KAT7: variants seen among roughly 807,000 people sequenced by gnomAD.
KAT7 encodes histone acetyltransferase KAT7.
KAT7 carries 10 observed loss-of-function variants against 82.1 expected under a neutral mutation model. The ratio of observed to expected loss-of-function variants is 0.12; its 90% CI spans 0.08 to 0.21. KAT7 has a LOEUF of 0.21. Among genes scored for constraint, KAT7 ranks in the 10% least tolerant of loss-of-function variants. KAT7 has a pLI of 1.00. For missense variants in KAT7, 378 were observed against 760.9 expected, an observed-to-expected ratio of 0.50 and a Z score of 5.92; for synonymous variants, 250 against 262.5, an observed-to-expected ratio of 0.95 and a Z score of 0.46.
At chr17:49,826,640 A>G (rs760966531) in intron 13 of KAT7, 53 bp from the exon 14 acceptor site, 17 of 1,218,658 alleles carry the variant, frequency 1.4e-5, no homozygotes, top group Admixed American at 5.1e-5. Context: ...GTTGGGGGCA[A>G]AGGGGTGGGA....
chr17:49,812,848 G>A (rs1235760445), intron 7 of KAT7, among the ~76,000 whole-genome samples: 2 of 151,462 alleles, frequency 1.3e-5, no homozygotes, highest in African/African-American at 4.8e-5. Context: ...GATTACAGGC[G>A]CCCACCACCA....
At chr17:49,803,905 T>A (rs1018349737) in intron 4 of KAT7, among the ~76,000 whole-genome samples, 6 of 152,110 alleles carry the variant, frequency 3.9e-5, no homozygotes, top group Non-Finnish European at 8.8e-5. Flanking sequence ...TTTTTTTTTT[T>A]TATGAAAGAT....
rs2074254902 is a variant in KAT7 at position 49,818,001 on chromosome 17, G to A, written c.1145G>A (p.Arg382His). The A allele has an allele frequency of 1.2e-6, 2 of 1,613,104 alleles. No individual in the cohort carries two copies. The highest frequency in any genetic ancestry group is 1.3e-5 in the African/African-American group (1 of 74,882). Reference protein sequence around the residue: ...LKYMKSQTILRRHMAKCVWKH... With the variant: ...LKYMKSQTILHRHMAKCVWKH... ...TATATGAAGAGCCAAACGATACTCC[G>A]CCGGCACATGGTGAGTTGTCTTGGG... is the stretch of plus-strand genomic sequence containing the variant. Residue 382 changes from arginine (R) to histidine (H), a missense_variant, in exon 9 of 15, where the codon CGC becomes CAC. Physicochemically the swap from Arg to His is conservative, Grantham distance 29. This residue lies in a region of KAT7 where 37 missense variants were observed against 98.6 expected (regional missense o/e 0.38). Coordinates refer to ENST00000259021, the MANE Select transcript of KAT7 (RefSeq NM_007067.5).
rs1208227690 is a variant in KAT7 at position 49,832,576 on chromosome 17, G to A, written c.*5074G>A. 2.0e-5 allele frequency: 3 copies of A among 152,164 alleles called. No individual in the cohort carries two copies. The highest frequency in any genetic ancestry group is 4.4e-5 in the Non-Finnish European group (3 of 68,030). The allele number at this position is 152,164 out of a possible 1,614,324, so 9.4% of individuals were successfully genotyped here. A position where few individuals can be genotyped will look rare whatever the true frequency, so the allele number is the denominator to read the frequency against. The stretch of plus-strand genomic sequence containing the variant: ...ATGGAGTTAAGAAACCCTGGTTTGA[G>A]AAAAAGCCCCAGTGAGACAGCAGGA... On this transcript the variant is annotated 3_prime_UTR_variant, in exon 15 of 15. Coordinates refer to ENST00000259021, the MANE Select transcript of KAT7 (RefSeq NM_007067.5).
chr17:49,813,000 CTTTTT>C (rs34339283), intron 7 of KAT7, among the ~76,000 whole-genome samples: 1 of 102,796 alleles, frequency 9.7e-6, no homozygotes, highest in African/African-American at 3.8e-5. Flanking sequence ...TGCACCCAGC[CTTTTT>C]TTTTTTTTTT....
intron 9 of KAT7, among the ~76,000 whole-genome samples, chr17:49,818,607 C>CA (rs950033777): frequency 5.3e-5 from 8 of 150,204 alleles, no homozygotes; most frequent in East Asian, 3.9e-4. Flanking sequence ...TTTGCAGCTT[C>CA]AAAAAAAAAG....
At chr17:49,815,144 T>G (rs1182406275) in intron 7 of KAT7, 1 of 152,254 alleles carries the variant, frequency 6.6e-6, no homozygotes, top group African/African-American at 2.4e-5. Context: ...TTCACCTGTC[T>G]TATTCTTGCT....
rs118023735 is a variant in KAT7 at position 49,789,164 on chromosome 17, G to T, written c.15+315G>T. The T allele has an allele frequency of 6.4e-3, 1,663 of 259,746 alleles. 11 individuals are homozygous for T. The highest frequency in any genetic ancestry group is 0.01 in the Non-Finnish European group (1,396 of 135,852). The allele number at this position is 259,746 out of a possible 1,614,324, so 16.1% of individuals were successfully genotyped here. A position where few individuals can be genotyped will look rare whatever the true frequency, so the allele number is the denominator to read the frequency against. Reference sequence around the variant, plus strand: ...TTGGGCTCAACGGTCACCTCCCCGCGTGCGGGGGCGGTGTCTGGCCCCGGC... The same window carrying T: ...TTGGGCTCAACGGTCACCTCCCCGCTTGCGGGGGCGGTGTCTGGCCCCGGC... On this transcript the variant is annotated intron_variant, in intron 1 of 14. Coordinates refer to ENST00000259021, the MANE Select transcript of KAT7 (RefSeq NM_007067.5).
chr17:49,811,229 C>A (rs1235193741), intron 6 of KAT7, among the ~76,000 whole-genome samples: 1 of 151,902 alleles, frequency 6.6e-6, no homozygotes, highest in Non-Finnish European at 1.5e-5. Flanking sequence ...ACCTCAGCCT[C>A]CCGAGTAGCT....
rs1398887637 is a variant in KAT7, at chr17:49,803,434, TA to T, written c.581-1928del. 1.2e-3 allele frequency among the ~76,000 whole-genome samples: 188 copies of T among 151,804 alleles called. 1 individual carries two copies. The highest frequency in any genetic ancestry group is 3.9e-3 in the African/African-American group (163 of 41,332). ...TTTTTAAAATTTATTTATTTTATTT[TA>T]TTTTTTTGAGATGGAGTCTCGCTTT... is the stretch of plus-strand genomic sequence containing the variant. On this transcript the variant is annotated intron_variant, in intron 4 of 14. Transcript: ENST00000259021.
intron 1 of KAT7, chr17:49,790,077 G>A (rs1257324072): frequency 6.6e-6 from 1 of 152,138 alleles, no homozygotes; most frequent in Non-Finnish European, 1.5e-5. Context: ...AAAACTGGGT[G>A]GTATTCTTGC....
At chr17:49,811,386 C>T (rs2143927178) in intron 6 of KAT7, 90 bp from the exon 7 acceptor site, 2 of 583,376 alleles carry the variant, frequency 3.4e-6, no homozygotes, top group Non-Finnish European at 5.9e-6. Context: ...AGATTACAGG[C>T]GTGAGCTACT....
chr17:49,812,116 T>C (rs1821655376), intron 7 of KAT7, among the ~76,000 whole-genome samples: 1 of 152,122 alleles, frequency 6.6e-6, no homozygotes, highest in African/African-American at 2.4e-5. Flanking sequence ...TCCTACTACC[T>C]AAAAATAGCC....
chr17:49,821,803 T>C lies in KAT7; in HGVS notation c.1386+13T>C. 6.2e-7 allele frequency: 1 copy of C among 1,613,584 alleles called. No homozygotes were observed. The highest frequency in any genetic ancestry group is 8.5e-7 in the Non-Finnish European group (1 of 1,179,684). Reference sequence around the variant, plus strand: ...ATATTTTTCTAAGGTAAGCAGGATCTGGAGATTAAGAAGCCAATGGCCAGA... The same window carrying C: ...ATATTTTTCTAAGGTAAGCAGGATCCGGAGATTAAGAAGCCAATGGCCAGA... On this transcript the variant is annotated intron_variant, in intron 11 of 14. Transcript: ENST00000259021.
intron 4 of KAT7, among the ~76,000 whole-genome samples, chr17:49,800,883 T>C (rs1250694596): frequency 1.3e-5 from 2 of 152,180 alleles, no homozygotes; most frequent in Non-Finnish European, 2.9e-5. Context: ...ATATATGTAG[T>C]TGGCTAGGAA....
At chr17:49,823,743 T>A (rs2074334393) in intron 12 of KAT7, 1 of 154,850 alleles carries the variant, frequency 6.5e-6, no homozygotes, top group South Asian at 2.0e-4. Context: ...TAAATTTTAT[T>A]TGTAACCCCA....
Position 49,827,450 on chromosome 17 carries a change from A to T in KAT7, c.1784A>T (p.Asn595Ile). 6.2e-7 allele frequency: 1 copy of T among 1,613,968 alleles called. No homozygotes were observed. ...IAKEAKRSNS[N>I]KTMDPSCLKW... Reference sequence around the variant, plus strand: ...AAAGAGGCCAAAAGGTCCAACTCCAATAAAACCATGGATCCCAGCTGCTTA... The same window carrying T: ...AAAGAGGCCAAAAGGTCCAACTCCATTAAAACCATGGATCCCAGCTGCTTA... Residue 595 changes from asparagine to isoleucine, a missense_variant, in exon 15 of 15, where the codon AAT becomes ATT. By Grantham distance (149) the Asn-to-Ile change is moderately radical. Around this residue, in one of 6 missense-constraint regions of KAT7, gnomAD observed 44 missense variants for 102.2 expected, o/e 0.43. Transcript: ENST00000259021.
chr17:49,811,650 G>C, intron 7 of KAT7, 76 bp downstream of exon 7: 3 of 703,710 alleles, frequency 4.3e-6, no homozygotes, highest in Non-Finnish European at 6.5e-6. Context: ...CTGAGCTTCT[G>C]CCTTTCAGAT....
chr17:49,797,555 T>C (rs1474896767), intron 3 of KAT7, among the ~76,000 whole-genome samples: 1 of 152,242 alleles, frequency 6.6e-6, no homozygotes, highest in Non-Finnish European at 1.5e-5. Flanking sequence ...AATTTCTTAA[T>C]GCAGAGGTCA....
Sources: allele counts gnomAD v4.1 joint callset (sites outside exome capture counted in the v4.1 genomes callset), GRCh38; gene constraint gnomAD v4.1.1; regional missense constraint gnomAD v4.1.1; transcripts MANE v1.5; gene names NCBI Gene and HGNC (gene_info 2026-07-23, HGNC 2026-07-21).